CAPN5: variants seen among roughly 807,000 people sequenced by gnomAD.
CAPN5 encodes the protein calpain 5, also known as calpain-5.
A neutral mutation model predicts 73.0 loss-of-function variants in CAPN5; 54 were observed. The ratio of observed to expected loss-of-function variants is 0.74; its 90% CI spans 0.59 to 0.93. The LOEUF is 0.93. CAPN5 is among the 40% of genes least tolerant of loss of function. The pLI is 0.00. For synonymous variants in CAPN5, 335 were observed against 356.9 expected (o/e 0.94, Z 0.69); for missense variants, 785 against 882.9 (o/e 0.89, Z 1.41).
rs1039709189 is a variant in CAPN5 at position 77,080,761 on chromosome 11, G to T, written c.-35-4091G>T. On this transcript the variant is annotated intron_variant, in intron 1 of 12. Transcript: ENST00000648180. ...AGATGCCACTTTCTTTCTGTCATCTGTCACCTTAGAGGCTGGAACCCAGTA... is the reference window on the plus strand; with the variant it reads ...AGATGCCACTTTCTTTCTGTCATCTTTCACCTTAGAGGCTGGAACCCAGTA... Among the ~76,000 whole-genome samples the T allele has an allele frequency of 2.0e-5, 3 of 152,352 alleles. No homozygotes were observed. In the South Asian group the frequency reaches 6.2e-4, roughly 32 times the overall value.
intron 2 of CAPN5, among the ~76,000 whole-genome samples, chr11:77,085,284 G>C (rs1047610918): frequency 1.3e-5 from 2 of 152,212 alleles, no homozygotes; most frequent in Non-Finnish European, 2.9e-5. Flanking sequence ...CACCCTCTCA[G>C]GGCCTCCACT....
At chr11:77,093,328 A>G (rs1011290586) in intron 2 of CAPN5, among the ~76,000 whole-genome samples, 1 of 152,150 alleles carries the variant, frequency 6.6e-6, no homozygotes, top group Non-Finnish European at 1.5e-5. Context: ...AAGGAAGGGA[A>G]TGGAGCTCTT....
chr11:77,085,487 T>G (rs556929608), intron 2 of CAPN5, among the ~76,000 whole-genome samples: 13 of 152,230 alleles, frequency 8.5e-5, no homozygotes, highest in Non-Finnish European at 1.5e-4. Context: ...AAGTATTTAT[T>G]ATGATGATTA....
At chr11:77,079,465 T>C (rs1330481188) in intron 1 of CAPN5, among the ~76,000 whole-genome samples, 1 of 152,222 alleles carries the variant, frequency 6.6e-6, no homozygotes, top group African/African-American at 2.4e-5. Context: ...GCAACAACAA[T>C]TTGTTCATTT....
chr11:77,101,514 C>G (rs1555038837), intron 3 of CAPN5, among the ~76,000 whole-genome samples: 1 of 152,210 alleles, frequency 6.6e-6, no homozygotes, highest in Non-Finnish European at 1.5e-5. Context: ...ACCCCCAGAA[C>G]TGACCCCAGG....
chr11:77,105,076 T>A (rs935354357), intron 3 of CAPN5, among the ~76,000 whole-genome samples: 1 of 151,828 alleles, frequency 6.6e-6, no homozygotes, highest in East Asian at 1.9e-4. Flanking sequence ...CCTGCCCTTC[T>A]GCTTGAGCTC....
chr11:77,118,822 T>C (rs529622706), intron 8 of CAPN5, among the ~76,000 whole-genome samples: 2 of 152,236 alleles, frequency 1.3e-5, no homozygotes, highest in African/African-American at 2.4e-5. Context: ...CTGTGCAGAG[T>C]GGCCACCCTG....
At chr11:77,110,676 G>C (rs1555040633) in intron 3 of CAPN5, among the ~76,000 whole-genome samples, 2 of 152,210 alleles carry the variant, frequency 1.3e-5, no homozygotes. Flanking sequence ...ACCCAACAGG[G>C]CTCCATTAGG....
chr11:77,117,636 C>G (rs892705853), intron 7 of CAPN5, among the ~76,000 whole-genome samples: 1 of 152,234 alleles, frequency 6.6e-6, no homozygotes, highest in African/African-American at 2.4e-5. Context: ...CCTGCCCCCA[C>G]CAGCTCCCTG....
At chr11:77,072,127 A>G (rs1187431729) in intron 1 of CAPN5, among the ~76,000 whole-genome samples, 16 of 152,174 alleles carry the variant, frequency 1.1e-4, no homozygotes, top group African/African-American at 3.9e-4. Flanking sequence ...AGGGCCAGCC[A>G]CAACCTGGCT....
intron 2 of CAPN5, chr11:77,087,921 CT>C: frequency 6.5e-7 from 1 of 1,536,064 alleles, no homozygotes; most frequent in East Asian, 2.4e-5. Flanking sequence ...CACAGGCTCG[CT>C]ATGTTTTTGT....
At chr11:77,121,735 C>T (rs539138711) in intron 10 of CAPN5, among the ~76,000 whole-genome samples, 199 bp from the exon 11 acceptor site, 1 of 152,164 alleles carries the variant, frequency 6.6e-6, no homozygotes, top group Non-Finnish European at 1.5e-5. Flanking sequence ...ATGGGGTACC[C>T]TTGATAGGGA....
At chr11:77,120,225 T>C in intron 9 of CAPN5, 1 of 152,724 alleles carries the variant, frequency 6.5e-6, no homozygotes, top group Admixed American at 6.5e-5. Flanking sequence ...TTTTTAAGTT[T>C]TTTGTAGAGC....
chr11:77,102,770 C>T (rs1555039073), intron 3 of CAPN5: 3 of 1,451,454 alleles, frequency 2.1e-6, no homozygotes, highest in African/African-American at 2.8e-5. Flanking sequence ...CTTTGGTGGC[C>T]TCTTCTCTCC....
rs547752839 is a variant in CAPN5 at position 77,078,560 on chromosome 11, T to G, written c.-35-6292T>G. 3.1e-4 allele frequency among the ~76,000 whole-genome samples: 47 copies of G among 152,324 alleles called. No individual in the cohort carries two copies. The South Asian group carries it at 7.1e-3, about 23-fold the overall frequency. On this transcript the variant is annotated intron_variant, in intron 1 of 12. Coordinates refer to ENST00000648180, the MANE Select transcript of CAPN5 (RefSeq NM_004055.5). ...TTGGCTATTCAGGGTCTTTTGTGAT[T>G]CTGTATGAATTTTAAGGACTGTTTT...
chr11:77,093,580 GCAAGTCTGTGT>G (rs1483534904), intron 2 of CAPN5, 91 bp from the exon 3 acceptor site: 1 of 1,447,458 alleles, frequency 6.9e-7, no homozygotes, highest in Non-Finnish European at 9.2e-7. Context: ...TGATCACACA[GCAAGTCTGTGT>G]CTGTCACGTC....
chr11:77,089,113 G>C (rs1213258235), intron 2 of CAPN5, among the ~76,000 whole-genome samples: 3 of 152,178 alleles, frequency 2.0e-5, no homozygotes, highest in Admixed American at 2.0e-4. Context: ...CCCTGCTTAG[G>C]AGCTCACAGG....
intron 3 of CAPN5, among the ~76,000 whole-genome samples, chr11:77,099,982 G>A (rs915756277): frequency 9.9e-5 from 15 of 152,034 alleles, no homozygotes; most frequent in Admixed American, 2.0e-4. Flanking sequence ...GATTACAGGC[G>A]CCTGCCACCA....
intron 3 of CAPN5, among the ~76,000 whole-genome samples, chr11:77,094,631 G>A (rs1555037249): frequency 1.3e-5 from 2 of 152,338 alleles, no homozygotes; most frequent in South Asian, 2.1e-4. Flanking sequence ...GGCTGGCAGT[G>A]GGGCTGAGGA....
Sources: gnomAD v4.1 joint callset for allele counts (sites outside exome capture counted in the v4.1 genomes callset) on GRCh38, gnomAD v4.1.1 for gene constraint, MANE v1.5 for transcripts, NCBI Gene and HGNC (gene_info 2026-07-23, HGNC 2026-07-21) for gene names.